The following SPIRE2 variants were observed in gnomAD, a reference collection of about 807,000 sequenced individuals.
SPIRE2 encodes spire type actin nucleation factor 2.
SPIRE2 carries 76 observed loss-of-function variants against 80.7 expected under a neutral mutation model. The ratio of observed to expected loss-of-function variants is 0.94; its 90% CI spans 0.78 to 1.14. The LOEUF (loss-of-function observed/expected upper bound fraction) is 1.14, where lower values mean the gene tolerates loss of function less well. SPIRE2 is among the 50% of genes most tolerant of loss of function. The probability of loss-of-function intolerance (pLI) is 0.00; values close to 1 mark genes in which losing one functional copy is unlikely to be tolerated. For missense variants in SPIRE2, 1,196 were observed against 1,015.3 expected, an observed-to-expected ratio of 1.18 and a Z score of -2.42; for synonymous variants, 535 against 432.6, an observed-to-expected ratio of 1.24 and a Z score of -2.94.
In SPIRE2 at chr16:89,828,596, C is replaced by T. The variant is rs2041348451; in HGVS notation, c.46C>T (p.Arg16Trp). Reference protein sequence around the residue: ...SCGGAAAGAGRPEPWELSLEE... With the variant: ...SCGGAAAGAGWPEPWELSLEE... ...CGGCGGCGCCGCGGCGGGCGCAGGG[C>T]GGCCGGAGCCCTGGGAGCTGTCCCT... The change falls in exon 1 of 15, where the codon CGG becomes TGG. Residue 16 changes from arginine (R) to tryptophan (W), a missense_variant. Coordinates refer to ENST00000378247, the MANE Select transcript of SPIRE2 (RefSeq NM_032451.2). The surrounding 1 kb of genome is among the most constrained non-coding windows in gnomAD (Gnocchi z 5.9). 1 of 1,210,528 alleles carries T rather than the reference C, an allele frequency of 8.3e-7. No homozygotes were observed. 75.0% of individuals were successfully genotyped at this position (1,210,528 alleles called of 1,614,324 possible).
chr16:89,835,477 T>G (rs562511963), intron 1 of SPIRE2, among the ~76,000 whole-genome samples: 1 of 152,310 alleles, frequency 6.6e-6, no homozygotes, highest in East Asian at 1.9e-4. Flanking sequence ...ATCTGCTATG[T>G]CTTCCTAATT....
At chr16:89,859,850 G>T (rs369258864) in intron 9 of SPIRE2, among the ~76,000 whole-genome samples, 50 of 151,972 alleles carry the variant, frequency 3.3e-4, no homozygotes, top group African/African-American at 1.2e-3. Context: ...GAGAGCCCTC[G>T]CGACTCAGGG....
chr16:89,860,994 C>T (rs989940240), intron 10 of SPIRE2, among the ~76,000 whole-genome samples, 199 bp downstream of exon 10: 6 of 152,138 alleles, frequency 3.9e-5, no homozygotes, highest in East Asian at 1.9e-4. Flanking sequence ...TCTCTGCTGC[C>T]GCCTGCTGGG....
intron 3 of SPIRE2, among the ~76,000 whole-genome samples, chr16:89,851,477 G>A (rs1291930412): frequency 6.6e-6 from 1 of 152,132 alleles, no homozygotes; most frequent in Non-Finnish European, 1.5e-5. Flanking sequence ...GGGGTCACTT[G>A]ACAGATGAGC....
Position 89,870,631 on chromosome 16 carries a change from C to G in SPIRE2, c.*359C>G, listed in dbSNP as rs1402504225. On this transcript the variant is annotated 3_prime_UTR_variant, in exon 15 of 15. Coordinates refer to ENST00000378247, the MANE Select transcript of SPIRE2 (RefSeq NM_032451.2). ...CCCCAGGAATGCGAACGGCAGTTTC[C>G]CTTCCCCAGTGGACGTCTAGGTGGG... is the stretch of plus-strand genomic sequence containing the variant. The G allele has an allele frequency of 5.1e-6, 1 of 194,336 alleles. No individual in the cohort carries two copies. Among genetic ancestry groups the G allele is most frequent in the Non-Finnish European group, 1.1e-5 (1 of 92,076 alleles). The allele number at this position is 194,336 out of a possible 1,614,324, so 12.0% of individuals were successfully genotyped here.
intron 1 of SPIRE2, 70 bp from the exon 2 acceptor site, chr16:89,845,252 G>T: frequency 5.1e-6 from 7 of 1,376,076 alleles, no homozygotes; most frequent in South Asian, 2.3e-5. Flanking sequence ...AGGGGGAGGT[G>T]GGGGGACAGC....
intron 8 of SPIRE2, among the ~76,000 whole-genome samples, 172 bp downstream of exon 8, chr16:89,858,679 G>T (rs2041715062): frequency 6.6e-6 from 1 of 152,230 alleles, no homozygotes. Flanking sequence ...GGGGATCGGG[G>T]ACCCTGCCAT....
chr16:89,838,813 GC>G (rs527932243), intron 1 of SPIRE2, among the ~76,000 whole-genome samples: 1 of 152,260 alleles, frequency 6.6e-6, no homozygotes, highest in East Asian at 1.9e-4. Flanking sequence ...GCACTCAGGG[GC>G]TCCCCTCTCT....
intron 12 of SPIRE2, among the ~76,000 whole-genome samples, chr16:89,866,496 A>G (rs964193875): frequency 6.6e-6 from 1 of 151,888 alleles, no homozygotes; most frequent in African/African-American, 2.4e-5. Flanking sequence ...GGGTTTCTCC[A>G]TGTTGGTCAG....
rs761140077 is a variant in SPIRE2 at position 89,854,274 on chromosome 16, G to T, written c.646-12G>T. On this transcript the variant is annotated splice_polypyrimidine_tract_variant and intron_variant, in intron 3 of 14. Coordinates refer to ENST00000378247, the MANE Select transcript of SPIRE2 (RefSeq NM_032451.2). ...GTACCTCCCCTGGACTGACGAGCACGTGTGGTCACAGATGCTGCAGAAGCT... is the reference window on the plus strand; with the variant it reads ...GTACCTCCCCTGGACTGACGAGCACTTGTGGTCACAGATGCTGCAGAAGCT... 3 of 1,610,894 alleles carry T rather than the reference G, an allele frequency of 1.9e-6. No individual in the cohort carries two copies. The highest frequency in any genetic ancestry group is 2.5e-6 in the Non-Finnish European group (3 of 1,179,148).
chr16:89,828,740 G>T lies in SPIRE2; in HGVS notation c.190G>T (p.Asp64Tyr). 1 of 1,231,132 alleles carries T rather than the reference G, an allele frequency of 8.1e-7. No individual in the cohort carries two copies. The highest frequency in any genetic ancestry group is 3.4e-5 in the East Asian group (1 of 29,544). The allele number at this position is 1,231,132 out of a possible 1,614,324, so 76.3% of individuals were successfully genotyped here. A position where few individuals can be genotyped will look rare whatever the true frequency, so the allele number is the denominator to read the frequency against. ...GGGCCGGCGCCTGCGGGATACCGGG[G>T]ACCTCCTGCTGCGCGGGGACGGCTC... ...SPGRRLRDTGDLLLRGDGSVG... is the reference protein window; with the variant it reads ...SPGRRLRDTGYLLLRGDGSVG... The change falls in exon 1 of 15, where the codon GAC (aspartate) becomes TAC (tyrosine). Residue 64 changes from aspartate to tyrosine, a missense_variant. Transcript: ENST00000378247. This position sits in a 1 kb window ranked among gnomAD's most constrained non-coding sequence, Gnocchi z 5.9.
chr16:89,862,003 CTTT>C (rs1224707797), intron 10 of SPIRE2: 9 of 139,272 alleles, frequency 6.5e-5, no homozygotes, highest in Non-Finnish European at 7.8e-5. Context: ...AGGCCCACTT[CTTT>C]TTTTTTTTTT....
In SPIRE2 at chr16:89,837,247, C is replaced by T. The variant is rs138762194; in HGVS notation, c.245-8075C>T. 1.5e-3 allele frequency among the ~76,000 whole-genome samples: 234 copies of T among 152,262 alleles called. 1 individual carries two copies. The highest frequency in any genetic ancestry group is 5.0e-3 in the African/African-American group (206 of 41,548). On this transcript the variant is annotated intron_variant, in intron 1 of 14. Coordinates refer to ENST00000378247, the MANE Select transcript of SPIRE2 (RefSeq NM_032451.2). The stretch of plus-strand genomic sequence containing the variant: ...CTGCATCTGTAACAAGTTCCCTGGT[C>T]TGCTGCTGCAGGAGTGAGGCACCCC...
chr16:89,830,488 C>G (rs956280508), intron 1 of SPIRE2, among the ~76,000 whole-genome samples: 4 of 151,344 alleles, frequency 2.6e-5, no homozygotes, highest in African/African-American at 9.7e-5. Context: ...TCTGAGTCAG[C>G]TGAGACATCA....
In SPIRE2 at chr16:89,843,016, C is replaced by T. The variant is rs565509246; in HGVS notation, c.245-2306C>T. On this transcript the variant is annotated intron_variant, in intron 1 of 14. Coordinates refer to ENST00000378247, the MANE Select transcript of SPIRE2 (RefSeq NM_032451.2). ...GATGATTTCATGGCTTAGATATAGACGCATATATACATCTTACCTCATTCC... is the reference window on the plus strand; with the variant it reads ...GATGATTTCATGGCTTAGATATAGATGCATATATACATCTTACCTCATTCC... Among the ~76,000 whole-genome samples the T allele has an allele frequency of 7.9e-5, 12 of 152,256 alleles. No individual in the cohort carries two copies. In the South Asian group the frequency reaches 1.7e-3, roughly 21 times the overall value.
chr16:89,869,689 T>C lies in SPIRE2; in HGVS notation c.1922+7T>C. 6.2e-7 allele frequency: 1 copy of C among 1,605,500 alleles called. No homozygotes were observed. Among genetic ancestry groups the C allele is most frequent in the South Asian group, 1.1e-5 (1 of 90,908 alleles). On this transcript the variant is annotated splice_region_variant and intron_variant, in intron 14 of 14. Transcript: ENST00000378247. The stretch of plus-strand genomic sequence containing the variant: ...AGAGAAGAGACATCTTTCAGTGCGT[T>C]CTTCGCCTTGCTGCTGATGTCACTG...
intron 3 of SPIRE2, among the ~76,000 whole-genome samples, chr16:89,853,139 C>T (rs2041652739): frequency 6.6e-6 from 1 of 152,222 alleles, no homozygotes; most frequent in South Asian, 2.1e-4. Context: ...AGGCTGTTTT[C>T]TGCTGCTCAG....
intron 7 of SPIRE2, among the ~76,000 whole-genome samples, chr16:89,857,881 C>CTTT (rs774655599): frequency 2.1e-4 from 22 of 107,182 alleles, no homozygotes; most frequent in East Asian, 5.5e-4. Context: ...AGTTCTTCTT[C>CTTT]TTTTTTTTTT....
In SPIRE2 at chr16:89,845,686, G is replaced by C. The variant is rs979455982; in HGVS notation, c.288+321G>C. ...GCCGGCCTCCCAGACACAGAGCCGG[G>C]GTCAGGGAGACGACTTCAGGTGCAA... is the stretch of plus-strand genomic sequence containing the variant. On this transcript the variant is annotated intron_variant, in intron 2 of 14. Coordinates refer to ENST00000378247, the MANE Select transcript of SPIRE2 (RefSeq NM_032451.2). The C allele has an allele frequency of 4.4e-6, 3 of 675,480 alleles. No homozygotes were observed. The African/African-American group carries it at 5.3e-5, about 12-fold the overall frequency. The allele number at this position is 675,480 out of a possible 1,614,324, so 41.8% of individuals were successfully genotyped here.
Sources: allele counts gnomAD v4.1 joint callset (sites outside exome capture counted in the v4.1 genomes callset), GRCh38; gene constraint gnomAD v4.1.1; non-coding constraint Gnocchi (gnomAD v3.1); transcripts MANE v1.5; gene names NCBI Gene and HGNC (gene_info 2026-07-23, HGNC 2026-07-21).